ACOX3: variants seen among roughly 807,000 people sequenced by gnomAD.
ACOX3 encodes the protein peroxisomal acyl-coenzyme A oxidase 3.
Under a neutral mutation model 81.5 loss-of-function variants are expected in ACOX3, and 73 were observed. The ratio of observed to expected loss-of-function variants is 0.90; its 90% CI spans 0.74 to 1.09. The LOEUF (loss-of-function observed/expected upper bound fraction) is 1.09, where lower values mean the gene tolerates loss of function less well. ACOX3 is among the 50% of genes least tolerant of loss of function. ACOX3 has a pLI of 0.00. For missense variants in ACOX3, 947 were observed against 928.0 expected (o/e 1.02, Z -0.27); for synonymous variants, 387 against 375.1 (o/e 1.03, Z -0.37).
At chr4:8,403,763 GT>G (rs1720616981) in intron 7 of ACOX3, among the ~76,000 whole-genome samples, 1 of 152,128 alleles carries the variant, frequency 6.6e-6, no homozygotes, top group Admixed American at 6.5e-5. Context: ...CTAGAAATAC[GT>G]TTATTAGGGG....
rs1315595525 is a variant in ACOX3 at position 8,370,731 on chromosome 4, T to C, written c.1983+177A>G. On this transcript the variant is annotated intron_variant, in intron 17 of 17. Transcript: ENST00000356406. The surrounding 1 kb of genome is among the most constrained non-coding windows in gnomAD (Gnocchi z 6.3). Reference sequence around the variant, plus strand: ...GTCCCCTGCAACCACAGAGCCAGCATGGGGAAGCACCAGAGTGAGACAGTC... The same window carrying C: ...GTCCCCTGCAACCACAGAGCCAGCACGGGGAAGCACCAGAGTGAGACAGTC... Among the ~76,000 whole-genome samples, 1 of 152,048 alleles carries C rather than the reference T, an allele frequency of 6.6e-6. No individual in the cohort carries two copies. The highest frequency in any genetic ancestry group is 1.5e-5 in the Non-Finnish European group (1 of 68,000).
chr4:8,399,397 C>T lies in ACOX3; in HGVS notation c.873+159G>A, dbSNP rs3796740. Among the ~76,000 whole-genome samples the T allele has an allele frequency of 0.17, 25,770 of 152,178 alleles. 2,292 individuals are homozygous for T. Among genetic ancestry groups the T allele is most frequent in the South Asian group, 0.26 (1,248 of 4,822 alleles). On this transcript the variant is annotated intron_variant, in intron 8 of 17. Transcript: ENST00000356406. This position sits in a 1 kb window ranked among gnomAD's most constrained non-coding sequence, Gnocchi z 4.9. Reference sequence around the variant, plus strand: ...GGCTGCCCCAAGAGTCCCCTTCTAGCGGGAGCACCAGAACCCGAGCCAGGA... The same window carrying T: ...GGCTGCCCCAAGAGTCCCCTTCTAGTGGGAGCACCAGAACCCGAGCCAGGA...
chr4:8,397,170 T>C (rs943198117), intron 8 of ACOX3, 51 bp from the exon 9 acceptor site: 20 of 1,477,686 alleles, frequency 1.4e-5, no homozygotes, highest in Non-Finnish European at 1.8e-5. Context: ...GCGGCCACCT[T>C]GGGCAGAGTG....
intron 1 of ACOX3, among the ~76,000 whole-genome samples, chr4:8,420,135 A>G (rs971675308): frequency 3.9e-5 from 6 of 152,228 alleles, no homozygotes; most frequent in Non-Finnish European, 7.3e-5. Flanking sequence ...GACATTGACC[A>G]TGGTCATACA....
intron 10 of ACOX3, chr4:8,393,063 AG>A (rs1282517371): frequency 4.0e-5 from 6 of 151,524 alleles, no homozygotes. Flanking sequence ...GAAGCTAAGC[AG>A]GGTCGGGCGT....
In ACOX3 at chr4:8,384,240, T is replaced by G. The variant is rs544115973; in HGVS notation, c.1538-2633A>C. On this transcript the variant is annotated intron_variant, in intron 13 of 17. Transcript: ENST00000356406. This position sits in a 1 kb window ranked among gnomAD's most constrained non-coding sequence, Gnocchi z 5.3. ...TGCACTGTGTTTTTTCCTTACACTC[T>G]ACTTTTGGTTCTTGGTTTTTCGTGA... Among the ~76,000 whole-genome samples the G allele has an allele frequency of 6.6e-6, 1 of 152,362 alleles. No individual in the cohort carries two copies. Among genetic ancestry groups the G allele is most frequent in the East Asian group, 1.9e-4 (1 of 5,190 alleles).
intron 1 of ACOX3, among the ~76,000 whole-genome samples, chr4:8,428,882 C>T (rs1723772022): frequency 1.3e-5 from 2 of 152,202 alleles, no homozygotes; most frequent in Non-Finnish European, 2.9e-5. Flanking sequence ...TGAGACCAGC[C>T]TGGGCAACAT....
intron 13 of ACOX3, among the ~76,000 whole-genome samples, chr4:8,387,543 T>C (rs946444984): frequency 6.6e-6 from 1 of 152,148 alleles, no homozygotes; most frequent in Non-Finnish European, 1.5e-5. Flanking sequence ...TACTGCTGAG[T>C]GAGGCGATGG....
chr4:8,393,764 G>A (rs888637134), intron 10 of ACOX3, among the ~76,000 whole-genome samples: 2 of 152,092 alleles, frequency 1.3e-5, no homozygotes, highest in African/African-American at 4.8e-5. Flanking sequence ...GTTTCAGAAA[G>A]AATCAGCCTG....
intron 17 of ACOX3, among the ~76,000 whole-genome samples, chr4:8,369,830 G>T (rs185610814): frequency 1.3e-5 from 2 of 152,314 alleles, no homozygotes; most frequent in African/African-American, 4.8e-5. Flanking sequence ...ACTCAGTTGC[G>T]GGGCCAGGGG....
intron 14 of ACOX3, among the ~76,000 whole-genome samples, chr4:8,377,373 G>C (rs189059493): frequency 8.1e-4 from 123 of 152,300 alleles, no homozygotes; most frequent in African/African-American, 2.9e-3. Flanking sequence ...ATGCTGCGGG[G>C]GCCAGAAAGA....
intron 1 of ACOX3, among the ~76,000 whole-genome samples, chr4:8,425,508 A>C (rs1723386349): frequency 6.6e-6 from 1 of 151,584 alleles, no homozygotes; most frequent in Admixed American, 6.6e-5. Context: ...CCAAATCATT[A>C]TTAACTGGAT....
intron 6 of ACOX3, among the ~76,000 whole-genome samples, chr4:8,408,911 G>A (rs1560193671): frequency 1.8e-4 from 18 of 100,864 alleles, no homozygotes; most frequent in Admixed American, 1.2e-3. Flanking sequence ...GGGTGGGGGG[G>A]GGGTGGGGGC....
At chr4:8,376,626 A>G (rs1044840952) in intron 14 of ACOX3, among the ~76,000 whole-genome samples, 1 of 151,706 alleles carries the variant, frequency 6.6e-6, no homozygotes, top group African/African-American at 2.4e-5. Flanking sequence ...CTGTCCCAAG[A>G]CCCCCGCTGG....
At chr4:8,439,909 G>A (rs555371175) in intron 1 of ACOX3, among the ~76,000 whole-genome samples, 1 of 148,964 alleles carries the variant, frequency 6.7e-6, no homozygotes, top group East Asian at 2.0e-4. Flanking sequence ...AAGACAGGAG[G>A]AAAAGAGAGA....
chr4:8,438,535 G>T (rs1018734728), intron 1 of ACOX3, among the ~76,000 whole-genome samples: 3 of 151,974 alleles, frequency 2.0e-5, no homozygotes, highest in Admixed American at 1.3e-4. Flanking sequence ...CAAATCACAG[G>T]TCAAATTAAA....
chr4:8,371,572 T>A (rs1716202261), intron 16 of ACOX3, among the ~76,000 whole-genome samples: 1 of 152,242 alleles, frequency 6.6e-6, no homozygotes, highest in South Asian at 2.1e-4. Flanking sequence ...TGAAATGCCG[T>A]GGCTACACTG....
intron 1 of ACOX3, among the ~76,000 whole-genome samples, chr4:8,425,126 G>T (rs1723331826): frequency 3.3e-5 from 5 of 152,198 alleles, no homozygotes; most frequent in Admixed American, 3.3e-4. Context: ...GCCATTAGGA[G>T]ATTACAATTG....
Position 8,370,161 on chromosome 4 carries a change from A to T in ACOX3, c.1983+747T>A, listed in dbSNP as rs1715991653. Among the ~76,000 whole-genome samples, 1 of 152,242 alleles carries T rather than the reference A, an allele frequency of 6.6e-6. No individual in the cohort carries two copies. The highest frequency in any genetic ancestry group is 2.4e-5 in the African/African-American group (1 of 41,460). On this transcript the variant is annotated intron_variant, in intron 17 of 17. Transcript: ENST00000356406. The surrounding 1 kb of genome is among the most constrained non-coding windows in gnomAD (Gnocchi z 6.3). ...TGAAAGAATGGAAGGCACTCCAGGC[A>T]GCCCGAGCAGCAGGCACAAGGCCCT...
Sources: gnomAD v4.1 joint callset for allele counts (sites outside exome capture counted in the v4.1 genomes callset) on GRCh38, gnomAD v4.1.1 for gene constraint, Gnocchi (gnomAD v3.1) non-coding constraint, MANE v1.5 for transcripts, NCBI Gene and HGNC (gene_info 2026-07-23, HGNC 2026-07-21) for gene names.